Variants in LRRC37A2 observed in about 807,000 individuals in gnomAD.
LRRC37A2 encodes leucine rich repeat containing 37 member A2.
LRRC37A2 carries 9 observed loss-of-function variants against 68.8 expected under a neutral mutation model. The observed-to-expected ratio is 0.13, with a 90% CI of 0.08 to 0.23. LRRC37A2 has a LOEUF of 0.23. Ranked by LOEUF, LRRC37A2 falls within the 10% of genes least tolerant of loss-of-function variation. The probability of loss-of-function intolerance (pLI) is 1.00; values close to 1 mark genes in which losing one functional copy is unlikely to be tolerated. For synonymous variants in LRRC37A2, 63 were observed against 367.6 expected (o/e 0.17, Z 9.48); for missense variants, 168 against 950.4 (o/e 0.18, Z 10.82).
At chr17:46,404,879 A>AAAATAAATAAAT in the LRRC37A2 span, among the ~76,000 whole-genome samples, 4 of 91,004 alleles carry the variant, frequency 4.4e-5, no homozygotes, top group African/African-American at 1.5e-4. Context: ...CAAACAAATT[A>AAAATAAATAAAT]AAATAAATAA....
At chr17:46,897,884 A>G in the LRRC37A2 span, among the ~76,000 whole-genome samples, 10 of 152,058 alleles carry the variant, frequency 6.6e-5, no homozygotes, top group Non-Finnish European at 1.3e-4. Flanking sequence ...CTGGCTGTGA[A>G]CTTTCCAAAG....
the LRRC37A2 span, among the ~76,000 whole-genome samples, chr17:46,860,035 A>G: frequency 6.6e-6 from 1 of 152,170 alleles, no homozygotes; most frequent in Non-Finnish European, 1.5e-5. Flanking sequence ...GGAAAGGTAA[A>G]AGAAATTTTA....
chr17:46,392,533 C>T, the LRRC37A2 span, among the ~76,000 whole-genome samples: 1 of 32,536 alleles, frequency 3.1e-5, no homozygotes. Context: ...CTCTCTCTCT[C>T]TCTTCCTTTC....
the LRRC37A2 span, among the ~76,000 whole-genome samples, chr17:46,853,675 T>C: frequency 6.6e-6 from 1 of 152,128 alleles, no homozygotes; most frequent in Non-Finnish European, 1.5e-5. Context: ...GCTAGTTTTT[T>C]TCATTAAGGA....
the LRRC37A2 span, chr17:46,757,469 C>T: frequency 1.3e-5 from 2 of 152,514 alleles, no homozygotes; most frequent in Non-Finnish European, 2.9e-5. Context: ...TGAAAATGTT[C>T]TGTAGACCAG....
the LRRC37A2 span, among the ~76,000 whole-genome samples, chr17:46,976,030 C>T: frequency 6.6e-6 from 1 of 151,924 alleles, no homozygotes; most frequent in South Asian, 2.1e-4. Context: ...GGGTTCACGC[C>T]ATTCTCCTGC....
chr17:47,003,975 G>T, the LRRC37A2 span, among the ~76,000 whole-genome samples: 1 of 152,136 alleles, frequency 6.6e-6, no homozygotes, highest in East Asian at 1.9e-4. Context: ...GCAGTGTTTG[G>T]TTTTTTGTTC....
the LRRC37A2 span, among the ~76,000 whole-genome samples, chr17:46,781,026 C>T: frequency 3.3e-5 from 5 of 151,700 alleles, no homozygotes; most frequent in South Asian, 2.1e-4. Flanking sequence ...GTCAGGAGTT[C>T]GAGACCAGCC....
At chr17:47,002,782 T>G in the LRRC37A2 span, among the ~76,000 whole-genome samples, 16 of 152,196 alleles carry the variant, frequency 1.1e-4, no homozygotes, top group Non-Finnish European at 2.9e-5. Context: ...TCTTTTTTTT[T>G]TGTACCCATT....
At chr17:46,511,179 AT>A (rs1228075833), upstream of LRRC37A2, among the ~76,000 whole-genome samples, 1 of 125,428 alleles carries the variant, frequency 8.0e-6, no homozygotes, top group Admixed American at 8.1e-5. Context: ...TATTTATGGA[AT>A]TTTTTTTAAA....
the LRRC37A2 span, among the ~76,000 whole-genome samples, chr17:46,771,516 G>C: frequency 6.7e-6 from 1 of 149,152 alleles, no homozygotes; most frequent in Non-Finnish European, 1.5e-5. Flanking sequence ...GGCGGGGCGG[G>C]GATTAGCCTG....
the LRRC37A2 span, among the ~76,000 whole-genome samples, chr17:46,959,456 G>GT: frequency 6.6e-6 from 1 of 152,084 alleles, no homozygotes; most frequent in Non-Finnish European, 1.5e-5. Flanking sequence ...AGAAAGGAGA[G>GT]TTTTTTCATC....
At chr17:47,032,333 G>A in the LRRC37A2 span, among the ~76,000 whole-genome samples, 1 of 148,870 alleles carries the variant, frequency 6.7e-6, no homozygotes, top group South Asian at 2.3e-4. Context: ...CAACTCTTGC[G>A]ATGCGGTTAT....
the LRRC37A2 span, chr17:46,830,553 A>T: frequency 2.5e-6 from 1 of 397,748 alleles, no homozygotes; most frequent in Non-Finnish European, 4.4e-6. Flanking sequence ...GCCAGAAATC[A>T]TATTTCTGAA....
chr17:46,885,090 G>A, the LRRC37A2 span: 3,323 of 437,780 alleles, frequency 7.6e-3, 96 homozygotes, highest in African/African-American at 0.063. Context: ...CCGGATTCAA[G>A]CGATTCTCCC....
At chr17:46,738,575 A>C in the LRRC37A2 span, among the ~76,000 whole-genome samples, 1 of 152,230 alleles carries the variant, frequency 6.6e-6, no homozygotes, top group Non-Finnish European at 1.5e-5. Context: ...CTGTTGGAAT[A>C]TACAGGATTC....
At chr17:46,787,114 A>T in the LRRC37A2 span, among the ~76,000 whole-genome samples, 1 of 151,718 alleles carries the variant, frequency 6.6e-6, no homozygotes, top group Non-Finnish European at 1.5e-5. Flanking sequence ...AGTTTTTAAA[A>T]TTTTTTGTAG....
At chr17:46,869,116 A>G in the LRRC37A2 span, among the ~76,000 whole-genome samples, 1 of 152,176 alleles carries the variant, frequency 6.6e-6, no homozygotes, top group East Asian at 1.9e-4. Flanking sequence ...CTTTGAGAGC[A>G]GCCCTGGGCA....
At chr17:46,929,015 G>T in the LRRC37A2 span, among the ~76,000 whole-genome samples, 1 of 152,008 alleles carries the variant, frequency 6.6e-6, no homozygotes, top group African/African-American at 2.4e-5. Context: ...ATCTTCCCAG[G>T]GCTTGTTCAT....
Sources: gnomAD v4.1 joint callset for allele counts (sites outside exome capture counted in the v4.1 genomes callset) on GRCh38, gnomAD v4.1.1 for gene constraint, MANE v1.5 for transcripts, NCBI Gene and HGNC (gene_info 2026-07-23, HGNC 2026-07-21) for gene names.